Variants in MCCC1 observed in about 807,000 individuals in gnomAD.
The protein encoded by MCCC1 is methylcrotonoyl-CoA carboxylase subunit alpha, mitochondrial.
MCCC1 carries 64 observed loss-of-function variants against 83.8 expected under a neutral mutation model. The ratio of observed to expected loss-of-function variants is 0.76; its 90% confidence interval spans 0.62 to 0.94. MCCC1 has a LOEUF of 0.94. MCCC1 is among the 40% of genes least tolerant of loss of function. The probability of loss-of-function intolerance (pLI) is 0.00; values close to 1 mark genes in which losing one functional copy is unlikely to be tolerated. For synonymous variants in MCCC1, 322 were observed against 315.4 expected, an observed-to-expected ratio of 1.02 and a Z score of -0.22; for missense variants, 807 against 904.7, an observed-to-expected ratio of 0.89 and a Z score of 1.39.
At chr3:183,088,052 A>C (rs910635971) in intron 3 of MCCC1, among the ~76,000 whole-genome samples, 1 of 152,030 alleles carries the variant, frequency 6.6e-6, no homozygotes, top group African/African-American at 2.4e-5. Flanking sequence ...GCTGGAACAC[A>C]ATGAGCAAGG....
chr3:183,071,240 C>T lies in MCCC1; in HGVS notation c.609G>A (p.Met203Ile). ...EHARRIGYPVMIKAVRGGGGK... is the reference protein window; with the variant it reads ...EHARRIGYPVIIKAVRGGGGK... ...CTCCTCCACCCCGGACGGCTTTAATCATGACAGGATAGCCAATTCTCCTGG... is the reference window on the plus strand; with the variant it reads ...CTCCTCCACCCCGGACGGCTTTAATTATGACAGGATAGCCAATTCTCCTGG... Residue 203 changes from methionine to isoleucine, a missense_variant, in exon 6 of 19, where the codon ATG becomes ATA. Transcript: ENST00000265594. 6.2e-7 allele frequency: 1 copy of T among 1,614,224 alleles called. No individual in the cohort carries two copies. The highest frequency in any genetic ancestry group is 8.5e-7 in the Non-Finnish European group (1 of 1,180,042).
chr3:183,039,009 G>A lies in MCCC1; in HGVS notation c.1377+17C>T, dbSNP rs375624644. 44 of 1,608,684 alleles carry A rather than the reference G, an allele frequency of 2.7e-5. No individual in the cohort carries two copies. Among genetic ancestry groups the A allele is most frequent in the Middle Eastern group, 3.3e-4 (2 of 6,064 alleles). Reference sequence around the variant, plus strand: ...CCAAACACATCAAGGTCACTGGCACGGTCTCAGATCACTCACATTGTACTG... The same window carrying A: ...CCAAACACATCAAGGTCACTGGCACAGTCTCAGATCACTCACATTGTACTG... On this transcript the variant is annotated intron_variant, in intron 12 of 18. Coordinates refer to ENST00000265594, the MANE Select transcript of MCCC1 (RefSeq NM_020166.5).
intron 14 of MCCC1, among the ~76,000 whole-genome samples, chr3:183,032,910 G>A (rs1713204439): frequency 6.6e-6 from 1 of 151,954 alleles, no homozygotes; most frequent in South Asian, 2.1e-4. Context: ...CTGGGTGAGT[G>A]TCTTCATAGA....
chr3:183,034,087 A>C lies in MCCC1; in HGVS notation c.1595-10T>G, dbSNP rs1214267625. On this transcript the variant is annotated splice_polypyrimidine_tract_variant and intron_variant, in intron 13 of 18. Coordinates refer to ENST00000265594, the MANE Select transcript of MCCC1 (RefSeq NM_020166.5). ...AATGGAGAGAATTGATCTAGAAAAA[A>C]TTTAAAATTCAGTAACAAACTTATG... 1 of 1,587,062 alleles carries C rather than the reference A, an allele frequency of 6.3e-7. No homozygotes were observed. Among genetic ancestry groups the C allele is most frequent in the South Asian group, 1.1e-5 (1 of 90,550 alleles).
intron 11 of MCCC1, among the ~76,000 whole-genome samples, chr3:183,039,818 G>C (rs981086970): frequency 6.6e-6 from 1 of 152,036 alleles, no homozygotes; most frequent in African/African-American, 2.4e-5. Context: ...GATTAGAGGT[G>C]CCTACAGGTG....
intron 11 of MCCC1, among the ~76,000 whole-genome samples, chr3:183,039,647 C>T (rs1351613963): frequency 6.6e-6 from 1 of 152,188 alleles, no homozygotes; most frequent in Non-Finnish European, 1.5e-5. Flanking sequence ...GGGATGGTTA[C>T]AGTCCTAGAG....
Position 183,037,363 on chromosome 3 carries a change from G to C in MCCC1, c.1449C>G (p.Asn483Lys), listed in dbSNP as rs200216718. The change falls in exon 13 of 19, where the codon AAC (asparagine) becomes AAG (lysine). Residue 483 changes from asparagine (N) to lysine (K), a missense_variant. Transcript: ENST00000265594. ...LSGHPEFEAG[N>K]VHTDFIPQHH... ...GTTGAGGGATGAAATCAGTGTGCACGTTCCCAGCTTCAAACTCTGGGTGGC... is the reference window on the plus strand; with the variant it reads ...GTTGAGGGATGAAATCAGTGTGCACCTTCCCAGCTTCAAACTCTGGGTGGC... 8 of 1,614,126 alleles carry C rather than the reference G, an allele frequency of 5.0e-6. No individual in the cohort carries two copies. Among genetic ancestry groups the C allele is most frequent in the Non-Finnish European group, 6.8e-6 (8 of 1,180,022 alleles).
intron 1 of MCCC1, among the ~76,000 whole-genome samples, chr3:183,106,207 C>T (rs1337684677): frequency 6.6e-6 from 1 of 152,030 alleles, no homozygotes; most frequent in African/African-American, 2.4e-5. Flanking sequence ...CTGGCATCAC[C>T]CATGTTATTC....
intron 3 of MCCC1, chr3:183,090,839 C>T (rs1474061850): frequency 2.8e-5 from 10 of 355,628 alleles, no homozygotes; most frequent in Admixed American, 7.0e-5. Flanking sequence ...TCATCTGCCT[C>T]GGCTTCCCAA....
Position 183,060,578 on chromosome 3 carries a change from GT to G in MCCC1, c.762-3157del, listed in dbSNP as rs144005483. Reference sequence around the variant, plus strand: ...CAATATGTTTGCAAATACACTTATAGTTTTTTTTTATTATACTTTAATTTCT... The same window carrying G: ...CAATATGTTTGCAAATACACTTATAGTTTTTTTTATTATACTTTAATTTCT... On this transcript the variant is annotated intron_variant, in intron 7 of 18. Coordinates refer to ENST00000265594, the MANE Select transcript of MCCC1 (RefSeq NM_020166.5). Among the ~76,000 whole-genome samples the G allele has an allele frequency of 5.0e-4, 76 of 151,720 alleles. 1 individual carries two copies. The highest frequency in any genetic ancestry group is 3.9e-3 in the Admixed American group (60 of 15,228).
At position 183,015,489 on chromosome 3, in the gene MCCC1, AGT is replaced by A. The variant is rs1418057523; in HGVS notation, c.2125_2126del (p.Thr709SerfsTer6). 1 of 1,614,044 alleles carries A rather than the reference AGT, an allele frequency of 6.2e-7. No individual in the cohort carries two copies. The highest frequency in any genetic ancestry group is 8.5e-7 in the Non-Finnish European group (1 of 1,179,962). On this transcript the variant is annotated frameshift_variant, in exon 19 of 19. Transcript: ENST00000265594. LOFTEE classifies it low-confidence loss of function (END_TRUNC). ...YREGAQANRH[T>X]PLVEFEEEES... ...CTTCCTCCTCAAACTCGACTAAAGG[AGT>A]GTGTCTGTTGGCCTGAGCACCTTCT...
upstream of MCCC1, chr3:183,099,597 T>C: frequency 1.2e-6 from 1 of 824,018 alleles, no homozygotes; most frequent in South Asian, 1.6e-5. Flanking sequence ...TGAGGGCGTC[T>C]CCACGAACAC....
At chr3:183,044,162 A>C (rs571529305) in intron 10 of MCCC1, among the ~76,000 whole-genome samples, 63 of 152,328 alleles carry the variant, frequency 4.1e-4, no homozygotes, top group Admixed American at 1.2e-3. Flanking sequence ...ACCAGGAAAA[A>C]ACAATTTAGA....
At chr3:183,112,865 G>A (rs953306158) in intron 1 of MCCC1, among the ~76,000 whole-genome samples, 1 of 151,774 alleles carries the variant, frequency 6.6e-6, no homozygotes, top group African/African-American at 2.4e-5. Flanking sequence ...CTTGAGACCA[G>A]AAGTTGGAGA....
chr3:183,065,026 T>TA (rs753467354), intron 7 of MCCC1, among the ~76,000 whole-genome samples: 8 of 151,076 alleles, frequency 5.3e-5, no homozygotes, highest in Non-Finnish European at 8.9e-5. Flanking sequence ...TTTTGATTAA[T>TA]AAAAAAAGGA....
intron 5 of MCCC1, among the ~76,000 whole-genome samples, chr3:183,072,002 G>A (rs1309868301): frequency 2.0e-5 from 3 of 151,332 alleles, no homozygotes; most frequent in African/African-American, 7.3e-5. Flanking sequence ...CCAAGATGCT[G>A]GACCCACAGG....
intron 10 of MCCC1, 116 bp from the exon 11 acceptor site, chr3:183,041,866 G>A: frequency 8.5e-7 from 1 of 1,178,208 alleles, no homozygotes; most frequent in Non-Finnish European, 1.2e-6. Flanking sequence ...TTGCAATGCA[G>A]CCAAATAAAA....
rs148088842 is a variant in MCCC1, at chr3:183,071,065, C to T, written c.695G>A (p.Arg232Gln). 76 of 1,614,188 alleles carry T rather than the reference C, an allele frequency of 4.7e-5. No individual in the cohort carries two copies. The South Asian group carries it at 6.4e-4, about 14-fold the overall frequency. ...QEFQEQLESARREAKKSFNDD... is the reference protein window; with the variant it reads ...QEFQEQLESAQREAKKSFNDD... ...ATTGAAAGACTTCTTAGCTTCTCTC[C>T]GTGCTGACTCTAACTGTTCTTGAAA... Residue 232 changes from arginine to glutamine, a missense_variant, in exon 7 of 19, where the codon CGG (arginine) becomes CAG (glutamine). By Grantham distance (43) the Arg-to-Gln change is conservative (BLOSUM62 1). Coordinates refer to ENST00000265594, the MANE Select transcript of MCCC1 (RefSeq NM_020166.5).
intron 1 of MCCC1, among the ~76,000 whole-genome samples, chr3:183,106,081 T>TAAAAAAAAAAAAAAAAAAAAAAAA (rs563718218): frequency 9.9e-6 from 1 of 101,058 alleles, no homozygotes. Flanking sequence ...AGAGAGTCCG[T>TAAAAAAAAAAAAAAAAAAAAAAAA]AAAAAAAAAA....
Sources: gnomAD v4.1 joint callset for allele counts (sites outside exome capture counted in the v4.1 genomes callset) on GRCh38, gnomAD v4.1.1 for gene constraint, MANE v1.5 for transcripts, NCBI Gene and HGNC (gene_info 2026-07-23, HGNC 2026-07-21) for gene names.